BTBD8: variants seen among roughly 807,000 people sequenced by gnomAD.
BTBD8 encodes BTB domain containing 8, also known as BTB/POZ domain-containing protein 8.
In BTBD8, 110 loss-of-function variants were observed where a neutral mutation model predicts 162.9. That is an observed-to-expected ratio of 0.68 (90% CI 0.58 to 0.79). The LOEUF (loss-of-function observed/expected upper bound fraction) is 0.79. Ranked by LOEUF, BTBD8 falls within the 30% of genes least tolerant of loss-of-function variation. The pLI is 0.00. For missense variants in BTBD8, 1,905 were observed against 2,085.4 expected, an observed-to-expected ratio of 0.91 and a Z score of 1.68; for synonymous variants, 667 against 716.1, an observed-to-expected ratio of 0.93 and a Z score of 1.10.
intron 1 of BTBD8, among the ~76,000 whole-genome samples, chr1:92,085,328 A>T (rs1185138610): frequency 6.6e-6 from 1 of 152,380 alleles, no homozygotes; most frequent in South Asian, 2.1e-4. Context: ...ACGGTGGCTT[A>T]TGCCTGTAAT....
intron 4 of BTBD8, chr1:92,115,151 G>T (rs2101913998): frequency 1.9e-6 from 1 of 519,306 alleles, no homozygotes; most frequent in South Asian, 1.5e-5. Flanking sequence ...GGATGACCTT[G>T]CCCACAGCCT....
chr1:92,088,700 T>G lies in BTBD8; in HGVS notation c.152T>G (p.Leu51Arg). The change falls in exon 2 of 18, where the codon CTT becomes CGT. Residue 51 changes from leucine to arginine, a missense_variant and splice_region_variant. Transcript: ENST00000636805. ...TGATTCCTTTTTATTCCTTATAGGC[T>G]TCTAAGGGAAGAATTCCATACAGAT... Reference protein sequence around the residue: ...SEQLSQDLLRLLREEFHTDVT... With the variant: ...SEQLSQDLLRRLREEFHTDVT... 1 of 1,587,566 alleles carries G rather than the reference T, an allele frequency of 6.3e-7. No homozygotes were observed. Among genetic ancestry groups the G allele is most frequent in the South Asian group, 1.2e-5 (1 of 85,046 alleles).
intron 2 of BTBD8, among the ~76,000 whole-genome samples, chr1:92,092,696 T>C (rs1648345561): frequency 6.6e-6 from 1 of 152,242 alleles, no homozygotes; most frequent in African/African-American, 2.4e-5. Flanking sequence ...ATGTCTGACC[T>C]TAATGCCGGT....
At position 92,126,332 on chromosome 1, in the gene BTBD8, T is replaced by C. The variant is rs72956864; in HGVS notation, c.663-3355T>C. 1.1e-3 allele frequency: 667 copies of C among 597,764 alleles called. 1 individual carries two copies. Among genetic ancestry groups the C allele is most frequent in the African/African-American group, 0.011 (575 of 53,916 alleles). 37.0% of individuals were successfully genotyped at this position (597,764 alleles called of 1,614,324 possible). On this transcript the variant is annotated intron_variant, in intron 4 of 17. Coordinates refer to ENST00000636805, the MANE Select transcript of BTBD8 (RefSeq NM_001376131.1). ...CATTCCTGATGAATCACCCTCCTGCTGCCACAGTGGTTGTACATGGCCCCT... is the reference window on the plus strand; with the variant it reads ...CATTCCTGATGAATCACCCTCCTGCCGCCACAGTGGTTGTACATGGCCCCT...
chr1:92,131,302 A>G (rs1649509143), intron 5 of BTBD8, among the ~76,000 whole-genome samples: 1 of 152,254 alleles, frequency 6.6e-6, no homozygotes, highest in Admixed American at 6.5e-5. Flanking sequence ...AACACAAAAC[A>G]TGAAAATACA....
intron 3 of BTBD8, among the ~76,000 whole-genome samples, chr1:92,107,100 T>C (rs1648754310): frequency 6.6e-6 from 1 of 152,040 alleles, no homozygotes; most frequent in Non-Finnish European, 1.5e-5. Context: ...ATACAGTTTT[T>C]TTTAGATAAT....
intron 4 of BTBD8, among the ~76,000 whole-genome samples, chr1:92,122,588 G>A (rs1649244563): frequency 6.6e-6 from 1 of 151,192 alleles, no homozygotes; most frequent in South Asian, 2.1e-4. Context: ...TTTTTAGACA[G>A]AGTCTCACTC....
intron 4 of BTBD8, 113 bp from the exon 5 acceptor site, chr1:92,129,574 A>C: frequency 1.2e-6 from 1 of 838,470 alleles, no homozygotes; most frequent in Non-Finnish European, 1.9e-6. Flanking sequence ...GAATACAAAC[A>C]AAACAAATAG....
chr1:92,172,207 G>A (rs1299536559), intron 13 of BTBD8, among the ~76,000 whole-genome samples: 1 of 152,196 alleles, frequency 6.6e-6, no homozygotes, highest in Non-Finnish European at 1.5e-5. Context: ...ATACTTTTAT[G>A]AGGTATCTAA....
At chr1:92,116,848 A>G (rs1318016381) in intron 4 of BTBD8, among the ~76,000 whole-genome samples, 1 of 148,734 alleles carries the variant, frequency 6.7e-6, no homozygotes, top group East Asian at 1.9e-4. Context: ...GTGTAAGTCT[A>G]CCATTGTACT....
chr1:92,150,558 A>T (rs1650021464), intron 9 of BTBD8: 2 of 152,212 alleles, frequency 1.3e-5, no homozygotes, highest in Non-Finnish European at 2.9e-5. Context: ...TTTACTTTAC[A>T]ATAATTTCTG....
chr1:92,184,089 A>G lies in BTBD8; in HGVS notation c.5138A>G (p.Asp1713Gly). The change falls in exon 18 of 18, where the codon GAT becomes GGT. Residue 1713 changes from aspartate (D) to glycine (G), a missense_variant. By Grantham distance (94) the Asp-to-Gly change is moderately conservative. Around this residue, in one of 3 missense-constraint regions of BTBD8, gnomAD observed 517 missense variants for 606.6 expected, o/e 0.85. Coordinates refer to ENST00000636805, the MANE Select transcript of BTBD8 (RefSeq NM_001376131.1). The stretch of plus-strand genomic sequence containing the variant: ...CTCTCTGAACAGGATTCAAACTTAG[A>G]TGTTACAAATTCCGTTCCTGAAGAC... Reference protein sequence around the residue: ...QLLSEQDSNLDVTNSVPEDLS... With the variant: ...QLLSEQDSNLGVTNSVPEDLS... 3.2e-6 allele frequency: 5 copies of G among 1,551,694 alleles called. No homozygotes were observed. The South Asian group carries it at 5.9e-5, about 18-fold the overall frequency.
rs1271598262 is a variant in BTBD8, at chr1:92,184,165, T to C, written c.5214T>C (p.Asp1738=). The part of the protein sequence containing the change: ...LINQTLLLAR[D]SSKPQGITHI... ...ATCAGACACTACTTTTAGCACGAGA[T>C]AGCTCAAAACCTCAGGGTATAACAC... is the stretch of plus-strand genomic sequence containing the variant. Residue 1738 remains aspartate, a synonymous_variant, in exon 18 of 18, where the codon GAT becomes GAC. Coordinates refer to ENST00000636805, the MANE Select transcript of BTBD8 (RefSeq NM_001376131.1). 3 of 1,551,642 alleles carry C rather than the reference T, an allele frequency of 1.9e-6. No homozygotes were observed. The highest frequency in any genetic ancestry group is 2.6e-6 in the Non-Finnish European group (3 of 1,146,866).
At chr1:92,118,908 G>GTC (rs1376387541) in intron 4 of BTBD8, among the ~76,000 whole-genome samples, 1 of 145,354 alleles carries the variant, frequency 6.9e-6, no homozygotes, top group Non-Finnish European at 1.5e-5. Flanking sequence ...GTGTCTGTGT[G>GTC]TGTGTGTGTG....
rs1238325640 is a variant in BTBD8 at position 92,181,639 on chromosome 1, T to A, written c.3956T>A (p.Ile1319Asn). The A allele has an allele frequency of 6.5e-7, 1 of 1,550,276 alleles. No homozygotes were observed. The highest frequency in any genetic ancestry group is 1.2e-5 in the South Asian group (1 of 83,860). ...ELKIYDSNLRIEVKMKKQSNN... is the reference protein window; with the variant it reads ...ELKIYDSNLRNEVKMKKQSNN... ...AAAATTTATGATAGTAATTTAAGAA[T>A]TGAAGTAAAAATGAAAAAGCAAAGT... Residue 1319 changes from isoleucine to asparagine, a missense_variant, in exon 17 of 18, where the codon ATT (isoleucine) becomes AAT (asparagine). Ile to Asn is a moderately radical substitution (Grantham distance 149, BLOSUM62 -3). Around this residue, in one of 3 missense-constraint regions of BTBD8, gnomAD observed 517 missense variants for 606.6 expected, o/e 0.85. Transcript: ENST00000636805.
chr1:92,168,733 C>A, intron 11 of BTBD8, 133 bp from the exon 12 acceptor site: 2 of 816,438 alleles, frequency 2.4e-6, no homozygotes, highest in Non-Finnish European at 3.4e-6. Flanking sequence ...ATAACATGTA[C>A]CCAACGATCT....
intron 13 of BTBD8, among the ~76,000 whole-genome samples, chr1:92,175,477 CAAA>C (rs71091265): frequency 0.013 from 475 of 37,438 alleles, 5 homozygotes; most frequent in African/African-American, 0.043. Flanking sequence ...GACTCCATCT[CAAA>C]AAAAAAAAAA....
intron 9 of BTBD8, among the ~76,000 whole-genome samples, chr1:92,155,072 T>C (rs1043137768): frequency 6.6e-6 from 1 of 152,216 alleles, no homozygotes; most frequent in African/African-American, 2.4e-5. Flanking sequence ...GTTTTATGTA[T>C]GTGGATGTAT....
chr1:92,165,100 G>A (rs1204627797), intron 9 of BTBD8, among the ~76,000 whole-genome samples: 2 of 148,806 alleles, frequency 1.3e-5, no homozygotes, highest in Non-Finnish European at 3.0e-5. Context: ...CAGCCTGGGT[G>A]ACAGAGCAAG....
Sources: gnomAD v4.1 joint callset for allele counts (sites outside exome capture counted in the v4.1 genomes callset) on GRCh38, gnomAD v4.1.1 for gene constraint, gnomAD v4.1.1 regional missense constraint, MANE v1.5 for transcripts, NCBI Gene and HGNC (gene_info 2026-07-23, HGNC 2026-07-21) for gene names.